RHOBTB1: variants seen among roughly 807,000 people sequenced by gnomAD.
RHOBTB1 encodes Rho related BTB domain containing 1.
In RHOBTB1, 40 loss-of-function variants were observed where a neutral mutation model predicts 71.6. The ratio of observed to expected loss-of-function variants is 0.56; its 90% confidence interval spans 0.43 to 0.73. The LOEUF is 0.73. RHOBTB1 is among the 30% of genes least tolerant of loss of function. The pLI, the probability that RHOBTB1 is intolerant of heterozygous loss-of-function variation, is 0.00. For missense variants in RHOBTB1, 797 were observed against 894.0 expected, an observed-to-expected ratio of 0.89 and a Z score of 1.38; for synonymous variants, 319 against 334.9, an observed-to-expected ratio of 0.95 and a Z score of 0.52.
intron 1 of RHOBTB1, among the ~76,000 whole-genome samples, chr10:60,993,239 C>A (rs1476080603): frequency 1.3e-5 from 2 of 152,038 alleles, no homozygotes; most frequent in African/African-American, 4.8e-5. Context: ...CTACTGCTGA[C>A]AAAAATTACA....
At chr10:60,941,301 C>A (rs1235288801) in intron 2 of RHOBTB1, among the ~76,000 whole-genome samples, 1 of 152,130 alleles carries the variant, frequency 6.6e-6, no homozygotes, top group African/African-American at 2.4e-5. Flanking sequence ...CAACTCCTCA[C>A]CTATAGTTTG....
chr10:60,987,850 C>A (rs927557582), intron 1 of RHOBTB1, among the ~76,000 whole-genome samples: 1 of 151,808 alleles, frequency 6.6e-6, no homozygotes, highest in African/African-American at 2.4e-5. Context: ...CACCCCCTAA[C>A]CCCTGACAAA....
intron 7 of RHOBTB1, among the ~76,000 whole-genome samples, chr10:60,883,188 G>A (rs187647614): frequency 6.6e-6 from 1 of 152,280 alleles, no homozygotes; most frequent in Admixed American, 6.5e-5. Context: ...GCTTGGTTCC[G>A]TGGTCTTTGT....
chr10:60,904,634 C>T (rs1000702189), intron 4 of RHOBTB1, among the ~76,000 whole-genome samples: 27 of 152,288 alleles, frequency 1.8e-4, no homozygotes, highest in African/African-American at 6.0e-4. Context: ...AATTCCAGGA[C>T]GGTGTTTACC....
rs116521110 is a variant in RHOBTB1, at chr10:60,998,171, C to T, written c.-163+3228G>A. Among the ~76,000 whole-genome samples, 1,181 of 152,270 alleles carry T rather than the reference C, an allele frequency of 7.8e-3. 3 individuals are homozygous for T. The highest frequency in any genetic ancestry group is 0.012 in the Non-Finnish European group (816 of 68,026). On this transcript the variant is annotated intron_variant, in intron 1 of 11. Coordinates refer to the RHOBTB1 transcript ENST00000357917. ...GTCGTCTCCATTATGGTACTCAGAT[C>T]TCCATTCATAATTCAGGCTCACCCT...
intron 2 of RHOBTB1, among the ~76,000 whole-genome samples, chr10:60,931,551 A>G (rs1325158410): frequency 6.6e-6 from 1 of 152,160 alleles, no homozygotes; most frequent in Non-Finnish European, 1.5e-5. Context: ...TCTTAGACAT[A>G]TTACTTCTAT....
intron 2 of RHOBTB1, among the ~76,000 whole-genome samples, chr10:60,952,190 G>A (rs1295964399): frequency 2.0e-5 from 3 of 152,022 alleles, no homozygotes; most frequent in Non-Finnish European, 2.9e-5. Context: ...TTTAAAGCTG[G>A]AATTTTAAAA....
chr10:60,978,849 C>T (rs2086399862), intron 2 of RHOBTB1, among the ~76,000 whole-genome samples: 1 of 152,076 alleles, frequency 6.6e-6, no homozygotes, highest in South Asian at 2.1e-4. Flanking sequence ...CCCTTTGATT[C>T]TCAATGACAA....
intron 2 of RHOBTB1, among the ~76,000 whole-genome samples, chr10:60,967,130 C>T (rs2085992427): frequency 6.6e-6 from 1 of 151,820 alleles, no homozygotes; most frequent in African/African-American, 2.4e-5. Context: ...AGGTCGGAGA[C>T]CTGAACGGTA....
intron 2 of RHOBTB1, among the ~76,000 whole-genome samples, chr10:60,940,674 C>G (rs1411735356): frequency 2.6e-5 from 4 of 152,194 alleles, no homozygotes; most frequent in Non-Finnish European, 4.4e-5. Flanking sequence ...TTCTGGATGA[C>G]TACATAATCT....
chr10:60,885,882 T>G (rs920070530), intron 7 of RHOBTB1, among the ~76,000 whole-genome samples: 5 of 152,098 alleles, frequency 3.3e-5, no homozygotes, highest in African/African-American at 1.2e-4. Flanking sequence ...CCCACACCAG[T>G]GACCAATAAA....
intron 2 of RHOBTB1, among the ~76,000 whole-genome samples, chr10:60,924,490 A>T (rs1414366446): frequency 6.6e-6 from 1 of 152,148 alleles, no homozygotes; most frequent in African/African-American, 2.4e-5. Flanking sequence ...CCAGATATAT[A>T]AGGCAAATAT....
chr10:60,928,506 A>C (rs1055417819), intron 2 of RHOBTB1, among the ~76,000 whole-genome samples: 1 of 151,688 alleles, frequency 6.6e-6, no homozygotes, highest in African/African-American at 2.4e-5. Context: ...ATGTTAAATA[A>C]AATAAACCAG....
chr10:60,968,643 T>C (rs2086052804), intron 2 of RHOBTB1, among the ~76,000 whole-genome samples: 1 of 152,118 alleles, frequency 6.6e-6, no homozygotes, highest in African/African-American at 2.4e-5. Flanking sequence ...AGGGAGATAG[T>C]TTCTCAAAAC....
chr10:60,910,276 T>C lies in RHOBTB1; in HGVS notation c.296+611A>G, dbSNP rs565790039. 2.6e-5 allele frequency among the ~76,000 whole-genome samples: 4 copies of C among 152,362 alleles called. 1 individual carries two copies. The South Asian group carries it at 8.3e-4, about 32-fold the overall frequency. ...CACTTTGACCATGTTCCTACCCATA[T>C]TAATGTCCTTCTAGAGGAGTTTTCC... On this transcript the variant is annotated intron_variant, in intron 4 of 10. Transcript: ENST00000337910.
chr10:60,939,453 T>C (rs1295304655), intron 2 of RHOBTB1, among the ~76,000 whole-genome samples: 1 of 152,184 alleles, frequency 6.6e-6, no homozygotes, highest in Non-Finnish European at 1.5e-5. Context: ...CTGGAGTGAC[T>C]GCCTCTTGAC....
At chr10:60,938,340 T>C (rs1184536486) in intron 2 of RHOBTB1, among the ~76,000 whole-genome samples, 1 of 152,330 alleles carries the variant, frequency 6.6e-6, no homozygotes, top group Non-Finnish European at 1.5e-5. Flanking sequence ...TGTTATGTAA[T>C]GGAACTGGGC....
chr10:60,964,045 A>G (rs893966653), intron 2 of RHOBTB1, among the ~76,000 whole-genome samples: 2 of 152,148 alleles, frequency 1.3e-5, no homozygotes, highest in African/African-American at 2.4e-5. Context: ...AAAATGCACA[A>G]AAAAGACCTA....
At chr10:60,922,223 A>G (rs2083606789) in intron 2 of RHOBTB1, among the ~76,000 whole-genome samples, 1 of 152,200 alleles carries the variant, frequency 6.6e-6, no homozygotes, top group Non-Finnish European at 1.5e-5. Flanking sequence ...AGGCACACGT[A>G]CCCATTACAT....
Sources: allele counts gnomAD v4.1 joint callset (sites outside exome capture counted in the v4.1 genomes callset), GRCh38; gene constraint gnomAD v4.1.1; transcripts MANE v1.5; gene names NCBI Gene and HGNC (gene_info 2026-07-23, HGNC 2026-07-21).